AP2M1: variants seen among roughly 807,000 people sequenced by gnomAD.
AP2M1 encodes the protein AP-2 complex subunit mu.
AP2M1 carries 5 observed loss-of-function variants against 54.5 expected under a neutral mutation model. The observed-to-expected ratio is 0.09, with a 90% CI of 0.05 to 0.19. The LOEUF is 0.19. Ranked by LOEUF, AP2M1 falls within the 10% of genes least tolerant of loss-of-function variation. AP2M1 has a pLI of 1.00. For missense variants in AP2M1, 178 were observed against 580.2 expected (o/e 0.31, Z 7.12); for synonymous variants, 186 against 208.2 (o/e 0.89, Z 0.92).
chr3:184,174,863 G>A lies in AP2M1; in HGVS notation c.-140G>A. On this transcript the variant is annotated 5_prime_UTR_variant, in exon 1 of 12. Transcript: ENST00000292807. ...CGGGGCGGGGCGGCGGCACTGCGGTGAAAGCCGAGGCAGCGGGCAGACGAG... is the reference window on the plus strand; with the variant it reads ...CGGGGCGGGGCGGCGGCACTGCGGTAAAAGCCGAGGCAGCGGGCAGACGAG... 5.0e-6 allele frequency: 2 copies of A among 398,044 alleles called. No homozygotes were observed. Among genetic ancestry groups the A allele is most frequent in the Admixed American group, 4.4e-5 (1 of 22,718 alleles). 24.7% of individuals were successfully genotyped at this position (398,044 alleles called of 1,614,324 possible). A position where few individuals can be genotyped will look rare whatever the true frequency, so the allele number is the denominator to read the frequency against.
In AP2M1 at chr3:184,183,587, C is replaced by T; in HGVS notation, c.1279C>T (p.Arg427Cys). The change falls in exon 12 of 12, where the codon CGC becomes TGC. Residue 427 changes from arginine (R) to cysteine (C), a missense_variant. This residue lies in a region of AP2M1 where 3 missense variants were observed against 16.1 expected (regional missense o/e 0.19). Transcript: ENST00000292807. The surrounding 1 kb of genome is among the most constrained non-coding windows in gnomAD (Gnocchi z 5.7). The stretch of plus-strand genomic sequence containing the variant: ...CATCAAATGGGTGCGCTACATTGGC[C>T]GCAGTGGCATTTATGAAACTCGCTG... ...DVIKWVRYIGRSGIYETRC is the reference protein window; with the variant it reads ...DVIKWVRYIGCSGIYETRC 1.2e-6 allele frequency: 2 copies of T among 1,613,988 alleles called. No individual in the cohort carries two copies. Among genetic ancestry groups the T allele is most frequent in the Non-Finnish European group, 1.7e-6 (2 of 1,180,024 alleles).
chr3:184,175,204 G>T (rs745696142), intron 1 of AP2M1: 21 of 386,136 alleles, frequency 5.4e-5, no homozygotes, highest in Non-Finnish European at 9.1e-5. Context: ...GAGGGATACC[G>T]CTTGGAATCC....
intron 1 of AP2M1, 164 bp from the exon 2 acceptor site, chr3:184,176,787 A>C (rs1013331363): frequency 2.4e-5 from 13 of 539,134 alleles, no homozygotes; most frequent in Non-Finnish European, 4.2e-5. Context: ...TGGAATAAAC[A>C]GGAACTGGAG....
rs76206153 is a variant in AP2M1, at chr3:184,178,501, G to A, written c.75-356G>A. On this transcript the variant is annotated intron_variant, in intron 2 of 11. Transcript: ENST00000292807. This position sits in a 1 kb window ranked among gnomAD's most constrained non-coding sequence, Gnocchi z 4.9. ...AGTGTCTCTTTCTGTCCTGGACCTG[G>A]GAGCTTACAGGGAAGCTAGATAAAG... Among the ~76,000 whole-genome samples, 639 of 152,370 alleles carry A rather than the reference G, an allele frequency of 4.2e-3. 6 individuals carry two copies. Among genetic ancestry groups the A allele is most frequent in the African/African-American group, 0.015 (616 of 41,578 alleles).
At position 184,181,765 on chromosome 3, in the gene AP2M1, T is replaced by C. The variant is rs1335168887; in HGVS notation, c.777T>C (p.Ser259=). 2 of 1,614,026 alleles carry C rather than the reference T, an allele frequency of 1.2e-6. No individual in the cohort carries two copies. The highest frequency in any genetic ancestry group is 1.7e-6 in the Non-Finnish European group (2 of 1,179,986). The change falls in exon 8 of 12, where the codon TCT becomes TCC. Residue 259 remains serine, a synonymous_variant. Coordinates refer to ENST00000292807, the MANE Select transcript of AP2M1 (RefSeq NM_004068.4). This position sits in a 1 kb window ranked among gnomAD's most constrained non-coding sequence, Gnocchi z 5.7. Reference sequence around the variant, plus strand: ...GTGTGCGACTCAGCAAGTTTGACTCTGAACGCAGCATCAGCTTTATCCCGC... The same window carrying C: ...GTGTGCGACTCAGCAAGTTTGACTCCGAACGCAGCATCAGCTTTATCCCGC... ...HQCVRLSKFD[S]ERSISFIPPD...
intron 1 of AP2M1, among the ~76,000 whole-genome samples, chr3:184,176,336 G>T (rs1007597433): frequency 6.6e-6 from 1 of 152,164 alleles, no homozygotes; most frequent in Non-Finnish European, 1.5e-5. Context: ...TTATTCCACT[G>T]CCTGGAAGAG....
In AP2M1 at chr3:184,183,947, G is replaced by A; in HGVS notation, c.*331G>A. On this transcript the variant is annotated 3_prime_UTR_variant, in exon 12 of 12. Coordinates refer to ENST00000292807, the MANE Select transcript of AP2M1 (RefSeq NM_004068.4). This position sits in a 1 kb window ranked among gnomAD's most constrained non-coding sequence, Gnocchi z 5.7. ...GCCACAGCTCTGGAGTGGGAGGGTT[G>A]GTTGCCCCTCACCTCAGAGCTCCCC... 3.6e-6 allele frequency: 1 copy of A among 279,030 alleles called. No homozygotes were observed. The highest frequency in any genetic ancestry group is 7.1e-6 in the Non-Finnish European group (1 of 140,336). The allele number at this position is 279,030 out of a possible 1,614,324, so 17.3% of individuals were successfully genotyped here. A position where few individuals can be genotyped will look rare whatever the true frequency, so the allele number is the denominator to read the frequency against.
At position 184,181,528 on chromosome 3, in the gene AP2M1, T is replaced by G; in HGVS notation, c.708-168T>G. 1 of 998,516 alleles carries G rather than the reference T, an allele frequency of 1.0e-6. No homozygotes were observed. The highest frequency in any genetic ancestry group is 1.4e-6 in the Non-Finnish European group (1 of 690,078). 61.9% of individuals were successfully genotyped at this position (998,516 alleles called of 1,614,324 possible). On this transcript the variant is annotated intron_variant, in intron 7 of 11. Coordinates refer to ENST00000292807, the MANE Select transcript of AP2M1 (RefSeq NM_004068.4). This position sits in a 1 kb window ranked among gnomAD's most constrained non-coding sequence, Gnocchi z 5.7. ...CAGAAGGAGCCCCAAGAGATGAGCT[T>G]GCAAGGCTTCCCTCTCATCCCAAGC...
rs773485573 is a variant in AP2M1, at chr3:184,182,282, T to C, written c.1061+34T>C. ...TTCCTTCATTAGGCCACAGCAGGGC[T>C]CAAGATCCCAGTATACCCTCTTGTT... On this transcript the variant is annotated intron_variant, in intron 10 of 11. Coordinates refer to ENST00000292807, the MANE Select transcript of AP2M1 (RefSeq NM_004068.4). This position sits in a 1 kb window ranked among gnomAD's most constrained non-coding sequence, Gnocchi z 5.5. 6.9e-6 allele frequency: 11 copies of C among 1,604,088 alleles called. No individual in the cohort carries two copies. The highest frequency in any genetic ancestry group is 6.8e-6 in the Non-Finnish European group (8 of 1,174,052).
Position 184,183,539 on chromosome 3 carries a change from C to A in AP2M1, c.1231C>A (p.Leu411Met). Residue 411 changes from leucine (L) to methionine (M), a missense_variant, in exon 12 of 12, where the codon CTG becomes ATG. Around this residue, in one of 5 missense-constraint regions of AP2M1, gnomAD observed 59 missense variants for 176.8 expected, o/e 0.33. Transcript: ENST00000292807. The surrounding 1 kb of genome is among the most constrained non-coding windows in gnomAD (Gnocchi z 5.7). The part of the protein sequence containing the change: ...VRYLKVFEPK[L>M]NYSDHDVIKW... Reference sequence around the variant, plus strand: ...CTACTTGAAGGTGTTTGAACCGAAGCTGAACTACAGCGACCATGATGTCAT... The same window carrying A: ...CTACTTGAAGGTGTTTGAACCGAAGATGAACTACAGCGACCATGATGTCAT... The A allele has an allele frequency of 6.2e-7, 1 of 1,614,200 alleles. No individual in the cohort carries two copies. The highest frequency in any genetic ancestry group is 8.5e-7 in the Non-Finnish European group (1 of 1,180,032).
chr3:184,180,149 T>C lies in AP2M1; in HGVS notation c.341-20T>C. The C allele has an allele frequency of 6.2e-7, 1 of 1,613,600 alleles. No homozygotes were observed. The highest frequency in any genetic ancestry group is 8.5e-7 in the Non-Finnish European group (1 of 1,179,532). On this transcript the variant is annotated intron_variant, in intron 3 of 11. Coordinates refer to ENST00000292807, the MANE Select transcript of AP2M1 (RefSeq NM_004068.4). This position sits in a 1 kb window ranked among gnomAD's most constrained non-coding sequence, Gnocchi z 4.9. ...TGAAGAAGCTCTGTCCAGGGGCTGA[T>C]GGTTCCCTTCTTTTTGCAGAGATTC... is the stretch of plus-strand genomic sequence containing the variant.
chr3:184,177,934 C>T (rs978931508), intron 2 of AP2M1: 47 of 600,634 alleles, frequency 7.8e-5, no homozygotes, highest in Non-Finnish European at 1.2e-4. Context: ...GGGCGTTTGT[C>T]CATTGGCTGG....
chr3:184,181,509 G>A lies in AP2M1; in HGVS notation c.708-187G>A, dbSNP rs149379084. On this transcript the variant is annotated intron_variant, in intron 7 of 11. Coordinates refer to ENST00000292807, the MANE Select transcript of AP2M1 (RefSeq NM_004068.4). The surrounding 1 kb of genome is among the most constrained non-coding windows in gnomAD (Gnocchi z 5.7). ...GAAACACCCAGGTCCCTAGCAGAAG[G>A]AGCCCCAAGAGATGAGCTTGCAAGG... 78 of 883,414 alleles carry A rather than the reference G, an allele frequency of 8.8e-5. No individual in the cohort carries two copies. In the African/African-American group the frequency reaches 1.1e-3, roughly 12 times the overall value. 54.7% of individuals were successfully genotyped at this position (883,414 alleles called of 1,614,324 possible). A position where few individuals can be genotyped will look rare whatever the true frequency, so the allele number is the denominator to read the frequency against.
chr3:184,183,733 G>GC lies in AP2M1; in HGVS notation c.*118dup. 8.0e-7 allele frequency: 1 copy of GC among 1,245,102 alleles called. No individual in the cohort carries two copies. The highest frequency in any genetic ancestry group is 2.5e-5 in the East Asian group (1 of 39,434). 77.1% of individuals were successfully genotyped at this position (1,245,102 alleles called of 1,614,324 possible). On this transcript the variant is annotated 3_prime_UTR_variant, in exon 12 of 12. Coordinates refer to ENST00000292807, the MANE Select transcript of AP2M1 (RefSeq NM_004068.4). This position sits in a 1 kb window ranked among gnomAD's most constrained non-coding sequence, Gnocchi z 5.7. ...CCTCCTGCTTTGCTGCCTTCCCTTT[G>GC]CACCAGCCCGAGTCTAGGTCTGGGC...
intron 2 of AP2M1, chr3:184,177,699 TCA>T: frequency 7.9e-7 from 1 of 1,265,206 alleles, no homozygotes; most frequent in Non-Finnish European, 1.1e-6. Flanking sequence ...TCCTGGGCCT[TCA>T]CACAGAGCCA....
In AP2M1 at chr3:184,180,346, T is replaced by A; in HGVS notation, c.423+95T>A. On this transcript the variant is annotated intron_variant, in intron 4 of 11. Coordinates refer to ENST00000292807, the MANE Select transcript of AP2M1 (RefSeq NM_004068.4). This position sits in a 1 kb window ranked among gnomAD's most constrained non-coding sequence, Gnocchi z 4.9. ...CTTGTCTGAGCTGACTCATGAGCCCTCCCATGACAGGAAGTGCTGGCCTGA... is the reference window on the plus strand; with the variant it reads ...CTTGTCTGAGCTGACTCATGAGCCCACCCATGACAGGAAGTGCTGGCCTGA... 2 of 1,440,158 alleles carry A rather than the reference T, an allele frequency of 1.4e-6. No homozygotes were observed. The highest frequency in any genetic ancestry group is 1.4e-5 in the African/African-American group (1 of 71,100). 89.2% of individuals were successfully genotyped at this position (1,440,158 alleles called of 1,614,324 possible). A position where few individuals can be genotyped will look rare whatever the true frequency, so the allele number is the denominator to read the frequency against.
Position 184,180,377 on chromosome 3 carries a change from C to T in AP2M1, c.423+126C>T. On this transcript the variant is annotated intron_variant, in intron 4 of 11. Transcript: ENST00000292807. The surrounding 1 kb of genome is among the most constrained non-coding windows in gnomAD (Gnocchi z 4.9). ...GACAGGAAGTGCTGGCCTGAGCCTC[C>T]TGCCATGATTGCAGGCCGATTTTGC... 1.6e-6 allele frequency: 2 copies of T among 1,274,266 alleles called. No homozygotes were observed. Among genetic ancestry groups the T allele is most frequent in the Non-Finnish European group, 2.2e-6 (2 of 915,982 alleles). The allele number at this position is 1,274,266 out of a possible 1,614,324, so 78.9% of individuals were successfully genotyped here. A position where few individuals can be genotyped will look rare whatever the true frequency, so the allele number is the denominator to read the frequency against.
At position 184,181,726 on chromosome 3, in the gene AP2M1, C is replaced by T; in HGVS notation, c.738C>T (p.Cys246=). 2 of 1,614,020 alleles carry T rather than the reference C, an allele frequency of 1.2e-6. No homozygotes were observed. Among genetic ancestry groups the T allele is most frequent in the Non-Finnish European group, 1.7e-6 (2 of 1,179,908 alleles). Residue 246 remains cysteine (C), a synonymous_variant, in exon 8 of 12, where the codon TGC becomes TGT. Transcript: ENST00000292807. The surrounding 1 kb of genome is among the most constrained non-coding windows in gnomAD (Gnocchi z 5.7). ...AGCAATCAATTGCCATTGATGACTG[C>T]ACCTTCCACCAGTGTGTGCGACTCA... ...SGKQSIAIDD[C]TFHQCVRLSK...
rs1474907485 is a variant in AP2M1, at chr3:184,182,293, G to T, written c.1061+45G>T. ...GGCCACAGCAGGGCTCAAGATCCCA[G>T]TATACCCTCTTGTTTTCAGCTTTGA... On this transcript the variant is annotated intron_variant, in intron 10 of 11. Transcript: ENST00000292807. This position sits in a 1 kb window ranked among gnomAD's most constrained non-coding sequence, Gnocchi z 5.5. 1 of 1,587,274 alleles carries T rather than the reference G, an allele frequency of 6.3e-7. No homozygotes were observed. The highest frequency in any genetic ancestry group is 8.6e-7 in the Non-Finnish European group (1 of 1,163,170).
Sources: gnomAD v4.1 joint callset for allele counts (sites outside exome capture counted in the v4.1 genomes callset) on GRCh38, gnomAD v4.1.1 for gene constraint, gnomAD v4.1.1 regional missense constraint, Gnocchi (gnomAD v3.1) non-coding constraint, MANE v1.5 for transcripts, NCBI Gene and HGNC (gene_info 2026-07-23, HGNC 2026-07-21) for gene names.